Variants in SLC17A1 observed in about 807,000 individuals in gnomAD.
SLC17A1 encodes sodium-dependent phosphate transport protein 1.
SLC17A1 carries 51 observed loss-of-function variants against 53.5 expected under a neutral mutation model. That is an observed-to-expected ratio of 0.95 (90% CI 0.76 to 1.20). SLC17A1 has a LOEUF of 1.20. Ranked by LOEUF, SLC17A1 falls within the 50% of genes most tolerant of loss-of-function variation. SLC17A1 has a pLI of 0.00. For missense variants in SLC17A1, 538 were observed against 568.2 expected (o/e 0.95, Z 0.54); for synonymous variants, 179 against 198.8 (o/e 0.90, Z 0.84).
At chr6:25,820,877 G>GAC (rs1236088918) in intron 3 of SLC17A1, among the ~76,000 whole-genome samples, 6 of 128,680 alleles carry the variant, frequency 4.7e-5, no homozygotes, top group African/African-American at 1.5e-4. Context: ...CAGTCTGGGC[G>GAC]ACAGAGTGAG....
the SLC17A1 span, among the ~76,000 whole-genome samples, chr6:25,761,448 A>G: frequency 2.6e-5 from 4 of 152,208 alleles, no homozygotes; most frequent in South Asian, 8.3e-4. Flanking sequence ...TGAAGTTAGC[A>G]CAGACATCTA....
chr6:25,811,650 A>G lies in SLC17A1; in HGVS notation c.1018T>C (p.Phe340Leu), dbSNP rs760086972. The G allele has an allele frequency of 6.2e-7, 1 of 1,613,952 alleles. No homozygotes were observed. Among genetic ancestry groups the G allele is most frequent in the South Asian group, 1.1e-5 (1 of 91,074 alleles). Residue 340 changes from phenylalanine (F) to leucine (L), a missense_variant, in exon 9 of 13, where the codon TTC (phenylalanine) becomes CTC (leucine). Coordinates refer to ENST00000244527, the MANE Select transcript of SLC17A1 (RefSeq NM_005074.5). ...GGCTGTTGCTTACCTGCTGCTGTGA[A>G]GAGTTTCCGGACAGCAATTACGCTG... ...ILSVIAVRKL[F>L]TAAGFLLPAI...
At chr6:25,728,460 C>G in the SLC17A1 span, among the ~76,000 whole-genome samples, 3 of 152,038 alleles carry the variant, frequency 2.0e-5, no homozygotes, top group Non-Finnish European at 4.4e-5. Context: ...TTTAACGCAT[C>G]TTCATTTAAC....
chr6:25,748,085 A>G, the SLC17A1 span, among the ~76,000 whole-genome samples: 2 of 152,254 alleles, frequency 1.3e-5, no homozygotes, highest in African/African-American at 2.4e-5. Flanking sequence ...TTCTTAATAC[A>G]TGGGCCAAAT....
the SLC17A1 span, chr6:25,776,999 T>A: frequency 6.4e-7 from 1 of 1,568,264 alleles, no homozygotes; most frequent in Non-Finnish European, 8.6e-7. Flanking sequence ...GACACTCAAT[T>A]CAAGTCTAGC....
At chr6:25,724,588 A>T in the SLC17A1 span, among the ~76,000 whole-genome samples, 1 of 152,248 alleles carries the variant, frequency 6.6e-6, no homozygotes. Flanking sequence ...AAATAAAAGT[A>T]TTATGTAGTG....
intron 6 of SLC17A1, among the ~76,000 whole-genome samples, chr6:25,816,248 C>T (rs1470671817): frequency 2.0e-5 from 3 of 152,200 alleles, no homozygotes; most frequent in African/African-American, 7.2e-5. Context: ...CCATTCCCAC[C>T]TCACTAGGTA....
At chr6:25,726,554 G>A in the SLC17A1 span, 409 of 1,588,938 alleles carry the variant, frequency 2.6e-4, 2 homozygotes, top group African/African-American at 4.2e-3. Flanking sequence ...GCAGCAACAC[G>A]AGAACCACAT....
At chr6:25,728,484 CAA>C in the SLC17A1 span, among the ~76,000 whole-genome samples, 1 of 152,036 alleles carries the variant, frequency 6.6e-6, no homozygotes, top group African/African-American at 2.4e-5. Context: ...TATCTTTTAA[CAA>C]AATTTTGGAT....
chr6:25,793,414 GAGAA>G (rs1489785208), intron 12 of SLC17A1, among the ~76,000 whole-genome samples: 4 of 152,306 alleles, frequency 2.6e-5, no homozygotes, highest in Non-Finnish European at 1.5e-5. Flanking sequence ...CTTCAGTGAT[GAGAA>G]AGAGAGGCAC....
chr6:25,772,304 T>C, the SLC17A1 span, among the ~76,000 whole-genome samples: 1 of 152,176 alleles, frequency 6.6e-6, no homozygotes, highest in Non-Finnish European at 1.5e-5. Flanking sequence ...CCAACCCCAA[T>C]GTGCAACATT....
At chr6:25,756,278 G>A in the SLC17A1 span, among the ~76,000 whole-genome samples, 1 of 152,046 alleles carries the variant, frequency 6.6e-6, no homozygotes, top group Non-Finnish European at 1.5e-5. Context: ...CTAGAAAAAC[G>A]TGACAAACTT....
chr6:25,819,692 C>G lies in SLC17A1; in HGVS notation c.431G>C (p.Gly144Ala). 1 of 1,614,100 alleles carries G rather than the reference C, an allele frequency of 6.2e-7. No individual in the cohort carries two copies. The highest frequency in any genetic ancestry group is 1.1e-5 in the South Asian group (1 of 91,062). ...AWVVVCRAVQ[G>A]AAQGIVATAQ... Reference sequence around the variant, plus strand: ...GCATTATTTTAATACCTGGGCTGCTCCCTGAACTGCTCGACATACAACGAC... The same window carrying G: ...GCATTATTTTAATACCTGGGCTGCTGCCTGAACTGCTCGACATACAACGAC... The change falls in exon 4 of 13, where the codon GGA (glycine) becomes GCA (alanine). Residue 144 changes from glycine (G) to alanine (A), a missense_variant. Coordinates refer to ENST00000244527, the MANE Select transcript of SLC17A1 (RefSeq NM_005074.5).
the SLC17A1 span, among the ~76,000 whole-genome samples, chr6:25,744,514 C>T: frequency 2.6e-5 from 4 of 152,230 alleles, no homozygotes; most frequent in South Asian, 2.1e-4. Context: ...GGTTGTTAAA[C>T]ACCACCATTA....
At chr6:25,763,221 C>G in the SLC17A1 span, among the ~76,000 whole-genome samples, 1 of 152,182 alleles carries the variant, frequency 6.6e-6, no homozygotes, top group South Asian at 2.1e-4. Context: ...GGTGACCACT[C>G]CAGGCTATAG....
At chr6:25,824,151 A>T (rs1217498087) in intron 3 of SLC17A1, among the ~76,000 whole-genome samples, 2 of 151,946 alleles carry the variant, frequency 1.3e-5, no homozygotes, top group Non-Finnish European at 1.5e-5. Context: ...AACACAGAAA[A>T]TTTTTTTTGA....
chr6:25,778,453 A>G (rs1454245024), downstream of SLC17A1, among the ~76,000 whole-genome samples: 1 of 152,158 alleles, frequency 6.6e-6, no homozygotes, highest in Non-Finnish European at 1.5e-5. Flanking sequence ...AGGCACTAGC[A>G]TACTGTCAGG....
intron 8 of SLC17A1, 132 bp from the exon 9 acceptor site, chr6:25,811,902 C>T (rs1399235210): frequency 6.4e-6 from 6 of 937,766 alleles, no homozygotes; most frequent in Admixed American, 2.4e-5. Context: ...CATACAACAA[C>T]AGAATTACTG....
the SLC17A1 span, chr6:25,770,543 C>A: frequency 7.4e-7 from 1 of 1,354,180 alleles, no homozygotes; most frequent in Non-Finnish European, 1.1e-6. Context: ...CCAACAGAAC[C>A]AAGATCTTAT....
Sources: allele counts gnomAD v4.1 joint callset (sites outside exome capture counted in the v4.1 genomes callset), GRCh38; gene constraint gnomAD v4.1.1; transcripts MANE v1.5; gene names NCBI Gene and HGNC (gene_info 2026-07-23, HGNC 2026-07-21).